Variants in STPG2 observed in about 807,000 individuals in gnomAD.
STPG2 encodes sperm tail PG-rich repeat containing 2, also known as sperm-tail PG-rich repeat-containing protein 2.
In STPG2, 56 loss-of-function variants were observed where a neutral mutation model predicts 54.2. The ratio of observed to expected loss-of-function variants is 1.03; its 90% confidence interval spans 0.83 to 1.29. The LOEUF (loss-of-function observed/expected upper bound fraction) is 1.29, where lower values mean the gene tolerates loss of function less well. Ranked by LOEUF, STPG2 falls within the 50% of genes most tolerant of loss-of-function variation. The pLI is 0.00. For missense variants in STPG2, 596 were observed against 544.9 expected, an observed-to-expected ratio of 1.09 and a Z score of -0.93; for synonymous variants, 200 against 181.8, an observed-to-expected ratio of 1.10 and a Z score of -0.81.
At chr4:97,555,549 T>C (rs894320062), downstream of STPG2, among the ~76,000 whole-genome samples, 35 of 152,270 alleles carry the variant, frequency 2.3e-4, 1 homozygote, top group African/African-American at 7.5e-4. Flanking sequence ...TGGTGAGACA[T>C]CACATTATCT....
intron 10 of STPG2, among the ~76,000 whole-genome samples, chr4:97,695,656 A>G (rs1320455187): frequency 6.6e-6 from 1 of 152,186 alleles, no homozygotes; most frequent in Admixed American, 6.5e-5. Flanking sequence ...AAGTTTCAGG[A>G]TACTACATCA....
chr4:97,512,112 A>G, intron 4 of STPG2, among the ~76,000 whole-genome samples: 1 of 152,260 alleles, frequency 6.6e-6, no homozygotes, highest in Admixed American at 6.5e-5. Flanking sequence ...GCACTTTGAA[A>G]GTTTCAAAAT....
chr4:97,628,339 G>A (rs1366036351), intron 10 of STPG2, among the ~76,000 whole-genome samples: 1 of 152,008 alleles, frequency 6.6e-6, no homozygotes, highest in Non-Finnish European at 1.5e-5. Context: ...CACCAACCAT[G>A]TTACCTTGCT....
intron 8 of STPG2, among the ~76,000 whole-genome samples, chr4:97,876,249 C>A (rs775328835): frequency 2.0e-5 from 3 of 151,934 alleles, no homozygotes; most frequent in East Asian, 3.9e-4. Context: ...CAGATGTAAT[C>A]GTGTATTTAC....
chr4:98,079,430 T>G (rs1578836995), intron 5 of STPG2, among the ~76,000 whole-genome samples: 1 of 152,156 alleles, frequency 6.6e-6, no homozygotes, highest in Admixed American at 6.6e-5. Flanking sequence ...TGTTAATGAA[T>G]CCTCCTAATG....
chr4:97,733,150 C>A (rs1292783926), intron 9 of STPG2, among the ~76,000 whole-genome samples: 1 of 152,048 alleles, frequency 6.6e-6, no homozygotes, highest in African/African-American at 2.4e-5. Flanking sequence ...ATATTTATAG[C>A]CACATAATTC....
intron 10 of STPG2, among the ~76,000 whole-genome samples, chr4:97,582,559 A>G (rs1009697204): frequency 5.3e-5 from 8 of 152,086 alleles, no homozygotes; most frequent in Non-Finnish European, 1.0e-4. Flanking sequence ...TCAACCATCA[A>G]TAAATCTATT....
intron 9 of STPG2, among the ~76,000 whole-genome samples, chr4:97,727,825 G>T (rs1965248): frequency 0.84 from 127,282 of 151,612 alleles, 53,578 homozygotes; most frequent in Middle Eastern, 0.95. Context: ...AACATACTAA[G>T]TCTAAAATTA....
chr4:97,510,201 A>G (rs1730943152), intron 4 of STPG2, among the ~76,000 whole-genome samples: 1 of 152,076 alleles, frequency 6.6e-6, no homozygotes, highest in African/African-American at 2.4e-5. Context: ...CTTTGATATG[A>G]TATGAAGAAG....
At chr4:97,731,553 G>A (rs1025932111) in intron 9 of STPG2, among the ~76,000 whole-genome samples, 5 of 152,152 alleles carry the variant, frequency 3.3e-5, no homozygotes, top group Admixed American at 1.3e-4. Context: ...GTCTCCTTCC[G>A]GTGTCTGCCC....
intron 5 of STPG2, among the ~76,000 whole-genome samples, chr4:98,051,081 C>G (rs758127132): frequency 1.3e-5 from 2 of 152,046 alleles, no homozygotes; most frequent in Non-Finnish European, 2.9e-5. Context: ...CTTCACTCCC[C>G]ATCAACAGAA....
chr4:97,783,671 A>C (rs1012406803), intron 9 of STPG2, among the ~76,000 whole-genome samples: 1 of 152,234 alleles, frequency 6.6e-6, no homozygotes, highest in African/African-American at 2.4e-5. Context: ...ACTTGGAATC[A>C]ATCCAAATGT....
chr4:97,844,457 T>C (rs540196358), intron 8 of STPG2, among the ~76,000 whole-genome samples: 19 of 152,208 alleles, frequency 1.2e-4, no homozygotes, highest in Non-Finnish European at 2.6e-4. Context: ...TATAGATTTT[T>C]TTGCTTGAAA....
chr4:97,907,572 C>T (rs1731488581), intron 8 of STPG2, among the ~76,000 whole-genome samples: 1 of 152,070 alleles, frequency 6.6e-6, no homozygotes, highest in South Asian at 2.1e-4. Context: ...CAATCCTAAG[C>T]CAAAAGAACA....
intron 10 of STPG2, among the ~76,000 whole-genome samples, chr4:97,571,857 T>C (rs555676831): frequency 1.3e-5 from 2 of 152,310 alleles, no homozygotes; most frequent in Non-Finnish European, 1.5e-5. Context: ...AGTTTGACTC[T>C]TTTCGTTGAC....
chr4:97,862,120 A>T (rs896592054), intron 8 of STPG2, among the ~76,000 whole-genome samples: 2 of 152,090 alleles, frequency 1.3e-5, no homozygotes, highest in African/African-American at 4.8e-5. Flanking sequence ...TAAAAGACAC[A>T]GACTGGCAAA....
At chr4:97,886,099 T>C (rs192119215) in intron 8 of STPG2, among the ~76,000 whole-genome samples, 2 of 152,286 alleles carry the variant, frequency 1.3e-5, no homozygotes, top group Admixed American at 1.3e-4. Context: ...TACTAATACT[T>C]ATAATTCAAC....
intron 10 of STPG2, among the ~76,000 whole-genome samples, chr4:97,603,403 G>A (rs1733514628): frequency 6.6e-6 from 1 of 151,586 alleles, no homozygotes; most frequent in Non-Finnish European, 1.5e-5. Context: ...AAACAGTATG[G>A]CTGTTACTTA....
At chr4:97,849,356 G>A (rs867172465) in intron 8 of STPG2, among the ~76,000 whole-genome samples, 5 of 151,818 alleles carry the variant, frequency 3.3e-5, no homozygotes, top group South Asian at 4.2e-4. Context: ...GGACATAGGC[G>A]TGGGCAAGGA....
Sources: gnomAD v4.1 joint callset for allele counts (sites outside exome capture counted in the v4.1 genomes callset) on GRCh38, gnomAD v4.1.1 for gene constraint, MANE v1.5 for transcripts, NCBI Gene and HGNC (gene_info 2026-07-23, HGNC 2026-07-21) for gene names.